The following SSBP2 variants were observed in gnomAD, a reference collection of about 807,000 sequenced individuals.
The protein encoded by SSBP2 is single-stranded DNA-binding protein 2.
A neutral mutation model predicts 61.8 loss-of-function variants in SSBP2; 17 were observed. The ratio of observed to expected loss-of-function variants is 0.28; its 90% CI spans 0.19 to 0.41. The LOEUF (loss-of-function observed/expected upper bound fraction) is 0.41, where lower values mean the gene tolerates loss of function less well. SSBP2 is among the 10% of genes least tolerant of loss of function. SSBP2 has a pLI of 1.00. For synonymous variants in SSBP2, 139 were observed against 141.3 expected, an observed-to-expected ratio of 0.98 and a Z score of 0.12; for missense variants, 310 against 458.7, an observed-to-expected ratio of 0.68 and a Z score of 2.96.
chr5:81,521,492 T>C (rs997845819), intron 4 of SSBP2, among the ~76,000 whole-genome samples: 4 of 146,586 alleles, frequency 2.7e-5, no homozygotes, highest in African/African-American at 1.1e-4. Context: ...TCCTTATATA[T>C]AGGAAAGTGT....
intron 3 of SSBP2, among the ~76,000 whole-genome samples, chr5:81,633,465 T>C (rs758921277): frequency 1.3e-5 from 2 of 152,092 alleles, no homozygotes; most frequent in Non-Finnish European, 2.9e-5. Flanking sequence ...CCTTGGATGT[T>C]AATATTGCAA....
intron 8 of SSBP2, among the ~76,000 whole-genome samples, chr5:81,469,587 T>G (rs572464354): frequency 6.6e-6 from 1 of 152,078 alleles, no homozygotes; most frequent in South Asian, 2.1e-4. Flanking sequence ...ATAAGTACCT[T>G]GAAGGCAGCA....
intron 1 of SSBP2, among the ~76,000 whole-genome samples, chr5:81,723,145 G>T (rs991615263): frequency 1.3e-5 from 2 of 151,958 alleles, no homozygotes; most frequent in East Asian, 1.9e-4. Flanking sequence ...GGAATAAAAG[G>T]ACTACGTTGA....
intron 1 of SSBP2, among the ~76,000 whole-genome samples, chr5:81,681,570 C>A (rs1338125752): frequency 6.7e-6 from 1 of 148,456 alleles, no homozygotes; most frequent in African/African-American, 2.5e-5. Flanking sequence ...GTGAAATGTA[C>A]CAAATGCAGT....
At chr5:81,751,350 T>C (rs1167527239), upstream of SSBP2, 4 of 398,504 alleles carry the variant, frequency 1.0e-5, no homozygotes, top group South Asian at 3.0e-5. Flanking sequence ...TCCTTCCCCC[T>C]CCCCCCTCCG....
At chr5:81,710,783 G>T in intron 1 of SSBP2, 2 of 427,534 alleles carry the variant, frequency 4.7e-6, no homozygotes, top group South Asian at 3.5e-5. Flanking sequence ...AAAGAAGTGA[G>T]ATAATATGTT....
intron 4 of SSBP2, among the ~76,000 whole-genome samples, chr5:81,540,274 G>C (rs1771159247): frequency 6.6e-6 from 1 of 152,142 alleles, no homozygotes; most frequent in South Asian, 2.1e-4. Flanking sequence ...GGGATCGCTG[G>C]GACAAATGGT....
intron 3 of SSBP2, among the ~76,000 whole-genome samples, chr5:81,629,903 T>A (rs891055146): frequency 6.6e-6 from 1 of 152,208 alleles, no homozygotes; most frequent in African/African-American, 2.4e-5. Flanking sequence ...ATCAAGTCTA[T>A]AATACATTAT....
At chr5:81,745,961 A>G (rs1343359874) in intron 1 of SSBP2, among the ~76,000 whole-genome samples, 1 of 152,144 alleles carries the variant, frequency 6.6e-6, no homozygotes, top group African/African-American at 2.4e-5. Flanking sequence ...GATGAAAGGC[A>G]TATTTGGTCT....
chr5:81,686,118 CCTTA>C (rs1752754619), intron 1 of SSBP2, among the ~76,000 whole-genome samples: 1 of 152,080 alleles, frequency 6.6e-6, no homozygotes, highest in African/African-American at 2.4e-5. Flanking sequence ...ATCCAGATAG[CCTTA>C]CTATTTCACT....
intron 4 of SSBP2, among the ~76,000 whole-genome samples, chr5:81,584,258 G>A (rs1774899957): frequency 6.6e-6 from 1 of 152,012 alleles, no homozygotes; most frequent in Admixed American, 6.6e-5. Context: ...TACTTTAACT[G>A]AATTTTTAAT....
chr5:81,619,704 A>G (rs1173479676), intron 3 of SSBP2, among the ~76,000 whole-genome samples: 4 of 61,756 alleles, frequency 6.5e-5, no homozygotes, highest in Admixed American at 5.6e-4. Context: ...AAAATCCTCA[A>G]TAAAATACTG....
intron 3 of SSBP2, among the ~76,000 whole-genome samples, chr5:81,622,717 C>G (rs920691338): frequency 6.6e-6 from 1 of 152,164 alleles, no homozygotes; most frequent in Non-Finnish European, 1.5e-5. Flanking sequence ...TACAACAAAA[C>G]TTGGTAAACT....
At chr5:81,544,295 C>A (rs76899577) in intron 4 of SSBP2, among the ~76,000 whole-genome samples, 20 of 152,248 alleles carry the variant, frequency 1.3e-4, no homozygotes, top group African/African-American at 3.4e-4. Flanking sequence ...GATCCGCCCC[C>A]CTCAGCCACC....
intron 4 of SSBP2, among the ~76,000 whole-genome samples, chr5:81,592,873 C>T (rs1216297564): frequency 6.6e-6 from 1 of 152,096 alleles, no homozygotes; most frequent in Non-Finnish European, 1.5e-5. Flanking sequence ...AAGGTGGATA[C>T]AACCACAAAG....
chr5:81,445,031 G>C (rs1763282749), intron 12 of SSBP2, among the ~76,000 whole-genome samples: 1 of 150,042 alleles, frequency 6.7e-6, no homozygotes, highest in South Asian at 2.1e-4. Flanking sequence ...GCTGCAGCAG[G>C]AGAATTGCTT....
chr5:81,472,428 G>C (rs1765309260), intron 8 of SSBP2, among the ~76,000 whole-genome samples: 1 of 152,014 alleles, frequency 6.6e-6, no homozygotes, highest in Admixed American at 6.6e-5. Context: ...TATTATGCTT[G>C]TTCAATAAGA....
At chr5:81,671,327 A>G (rs1283395728) in intron 1 of SSBP2, among the ~76,000 whole-genome samples, 1 of 152,098 alleles carries the variant, frequency 6.6e-6, no homozygotes, top group Non-Finnish European at 1.5e-5. Context: ...CCCTAGTTTA[A>G]TATATTAAGA....
intron 1 of SSBP2, among the ~76,000 whole-genome samples, chr5:81,669,612 T>C (rs1751433268): frequency 6.6e-6 from 1 of 151,866 alleles, no homozygotes; most frequent in Non-Finnish European, 1.5e-5. Context: ...TGAGAACACA[T>C]GGACACATGA....
Sources: gnomAD v4.1 joint callset for allele counts (sites outside exome capture counted in the v4.1 genomes callset) on GRCh38, gnomAD v4.1.1 for gene constraint, MANE v1.5 for transcripts, NCBI Gene and HGNC (gene_info 2026-07-23, HGNC 2026-07-21) for gene names.